ECT2: variants seen among roughly 807,000 people sequenced by gnomAD.
The protein encoded by ECT2 is epithelial cell transforming 2, also known as protein ECT2.
Under a neutral mutation model 116.9 loss-of-function variants are expected in ECT2, and 61 were observed. That is an observed-to-expected ratio of 0.52 (90% confidence interval 0.42 to 0.65). ECT2 has a LOEUF of 0.65. Among genes scored for constraint, ECT2 ranks in the 30% least tolerant of loss-of-function variants. The pLI is 0.00. For missense variants in ECT2, 937 were observed against 1,078.7 expected (o/e 0.87, Z 1.84); for synonymous variants, 358 against 346.4 (o/e 1.03, Z -0.37).
intron 18 of ECT2, among the ~76,000 whole-genome samples, chr3:172,787,573 C>T (rs1175658324): frequency 6.6e-6 from 1 of 152,102 alleles, no homozygotes; most frequent in African/African-American, 2.4e-5. Flanking sequence ...TGTATGTTCA[C>T]CAACCAGCCA....
At chr3:172,807,682 T>G (rs1728028171) in intron 21 of ECT2, 88 bp from the exon 22 acceptor site, 2 of 1,409,274 alleles carry the variant, frequency 1.4e-6, no homozygotes, top group Admixed American at 4.6e-5. Context: ...TCATTGGAAT[T>G]TCATTGCTCT....
chr3:172,760,975 A>G (rs1259200987), intron 7 of ECT2, among the ~76,000 whole-genome samples: 1 of 151,112 alleles, frequency 6.6e-6, no homozygotes, highest in East Asian at 2.0e-4. Context: ...CCTGCCTCGG[A>G]CTCCCAAAGT....
At chr3:172,779,264 G>A (rs1007062319) in intron 14 of ECT2, among the ~76,000 whole-genome samples, 4 of 152,154 alleles carry the variant, frequency 2.6e-5, no homozygotes, top group Non-Finnish European at 2.9e-5. Context: ...CCCAAGATTA[G>A]ACTTATTTAT....
At chr3:172,803,749 CTTTTCTTTTCT>C (rs949600270) in intron 20 of ECT2, among the ~76,000 whole-genome samples, 7 of 151,696 alleles carry the variant, frequency 4.6e-5, no homozygotes, top group South Asian at 4.2e-4. Context: ...GTTTCCTTTT[CTTTTCTTTTCT>C]TTTTCTTTTC....
At chr3:172,787,422 G>A (rs1460426316) in intron 18 of ECT2, among the ~76,000 whole-genome samples, 2 of 152,090 alleles carry the variant, frequency 1.3e-5, no homozygotes, top group Admixed American at 6.6e-5. Context: ...CTGCTGAATG[G>A]GTTATGTAAA....
chr3:172,759,591 G>A (rs952188824), intron 6 of ECT2, among the ~76,000 whole-genome samples: 2 of 151,950 alleles, frequency 1.3e-5, no homozygotes, highest in East Asian at 1.9e-4. Context: ...ACAGGCGCCC[G>A]CCACCACGCC....
chr3:172,828,334 CTGTG>C, the ECT2 span, among the ~76,000 whole-genome samples: 1 of 150,160 alleles, frequency 6.7e-6, no homozygotes, highest in African/African-American at 2.5e-5. Flanking sequence ...TACCAACAGG[CTGTG>C]TGTGTGTGTG....
At chr3:172,799,504 G>A (rs1726329290) in intron 18 of ECT2, among the ~76,000 whole-genome samples, 1 of 152,162 alleles carries the variant, frequency 6.6e-6, no homozygotes, top group Admixed American at 6.5e-5. Context: ...TTCACAATCA[G>A]TAACTGCTAT....
Position 172,760,025 on chromosome 3 carries a change from A to G in ECT2, c.577-131A>G, listed in dbSNP as rs1717907476. 4 of 531,734 alleles carry G rather than the reference A, an allele frequency of 7.5e-6. No homozygotes were observed. In the South Asian group the frequency reaches 1.7e-4, roughly 23 times the overall value. 32.9% of individuals were successfully genotyped at this position (531,734 alleles called of 1,614,324 possible). The stretch of plus-strand genomic sequence containing the variant: ...TACTTACTTTGACATAAAATTTAAT[A>G]GCTTTATAAAAATCCCGTATGTATT... On this transcript the variant is annotated intron_variant, in intron 6 of 24. Transcript: ENST00000392692.
chr3:172,823,861 T>C (rs1577065126), downstream of ECT2, among the ~76,000 whole-genome samples: 1 of 152,108 alleles, frequency 6.6e-6, no homozygotes, highest in East Asian at 1.9e-4. Flanking sequence ...ATAATATTTG[T>C]ATTATGTATA....
intron 4 of ECT2, among the ~76,000 whole-genome samples, chr3:172,755,807 CAG>C (rs1453102321): frequency 6.6e-6 from 1 of 152,096 alleles, no homozygotes; most frequent in African/African-American, 2.4e-5. Flanking sequence ...AATTTATAAT[CAG>C]GGAATTTGCC....
At position 172,778,547 on chromosome 3, in the gene ECT2, C is replaced by A. The variant is rs1241770270; in HGVS notation, c.1549-3616C>A. Among the ~76,000 whole-genome samples the A allele has an allele frequency of 4.0e-5, 6 of 150,200 alleles. No individual in the cohort carries two copies. In the East Asian group the frequency reaches 1.2e-3, roughly 29 times the overall value. On this transcript the variant is annotated intron_variant, in intron 14 of 24. Transcript: ENST00000392692. ...AGGAAAGTTACTTAATCTCTCTAAGCCTTAGTTTCTTTATTACTTAGTTCC... is the reference window on the plus strand; with the variant it reads ...AGGAAAGTTACTTAATCTCTCTAAGACTTAGTTTCTTTATTACTTAGTTCC...
chr3:172,809,963 A>T (rs1034391011), intron 22 of ECT2, among the ~76,000 whole-genome samples: 1 of 152,182 alleles, frequency 6.6e-6, no homozygotes, highest in African/African-American at 2.4e-5. Context: ...GTTATTTCAG[A>T]ATCTAAGGAT....
Position 172,805,791 on chromosome 3 carries a change from C to T in ECT2, c.2167C>T (p.Pro723Ser). 6.2e-7 allele frequency: 1 copy of T among 1,613,758 alleles called. No homozygotes were observed. Among genetic ancestry groups the T allele is most frequent in the Non-Finnish European group, 8.5e-7 (1 of 1,179,840 alleles). ...TAGGAGTCCTCATGGCCAAACCCGA[C>T]CCCCAGCTTCTCTTAAGCATATTCA... ...TFRSPHGQTR[P>S]PASLKHIHLM... The change falls in exon 21 of 25, where the codon CCC becomes TCC. Residue 723 changes from proline to serine, a missense_variant. Physicochemically the swap from Pro to Ser is moderately conservative, Grantham distance 74. Coordinates refer to ENST00000392692, the MANE Select transcript of ECT2 (RefSeq NM_001258315.2).
intron 22 of ECT2, among the ~76,000 whole-genome samples, chr3:172,810,470 T>A (rs1166660669): frequency 6.6e-6 from 1 of 152,204 alleles, no homozygotes; most frequent in African/African-American, 2.4e-5. Context: ...ATATTTATAA[T>A]GAAGTTAGTA....
At chr3:172,801,001 CA>C (rs746056990) in intron 18 of ECT2, among the ~76,000 whole-genome samples, 2 of 152,068 alleles carry the variant, frequency 1.3e-5, no homozygotes, top group Non-Finnish European at 2.9e-5. Context: ...TAAGATCTTT[CA>C]AAAATATCTT....
chr3:172,803,909 AT>A (rs1727187862), intron 20 of ECT2, among the ~76,000 whole-genome samples: 1 of 150,512 alleles, frequency 6.6e-6, no homozygotes. Flanking sequence ...GGCTCTGGTG[AT>A]TTTCTTATCC....
chr3:172,802,548 G>C, intron 18 of ECT2, 68 bp from the exon 19 acceptor site: 12 of 950,534 alleles, frequency 1.3e-5, no homozygotes, highest in Non-Finnish European at 1.7e-5. Context: ...CACAACTTGT[G>C]ACATGAGTTG....
At chr3:172,760,039 C>A in intron 6 of ECT2, 117 bp from the exon 7 acceptor site, 1 of 550,250 alleles carries the variant, frequency 1.8e-6, no homozygotes, top group Non-Finnish European at 3.0e-6. Context: ...TTATAAAAAT[C>A]CCGTATGTAT....
Sources: allele counts gnomAD v4.1 joint callset (sites outside exome capture counted in the v4.1 genomes callset), GRCh38; gene constraint gnomAD v4.1.1; transcripts MANE v1.5; gene names NCBI Gene and HGNC (gene_info 2026-07-23, HGNC 2026-07-21).